Variants in KCNT2 observed in about 807,000 individuals in gnomAD.
KCNT2 encodes the protein potassium sodium-activated channel subfamily T member 2, also known as potassium channel subfamily T member 2.
In KCNT2, 67 loss-of-function variants were observed where a neutral mutation model predicts 153.8. The observed-to-expected ratio is 0.44, with a 90% CI of 0.36 to 0.53. The LOEUF is 0.53. Among genes scored for constraint, KCNT2 ranks in the 20% least tolerant of loss-of-function variants. KCNT2 has a pLI of 0.00. For synonymous variants in KCNT2, 500 were observed against 458.8 expected (o/e 1.09, Z -1.15); for missense variants, 975 against 1,354.8 (o/e 0.72, Z 4.40).
intron 1 of KCNT2, among the ~76,000 whole-genome samples, chr1:196,573,380 C>A (rs1660995453): frequency 6.6e-6 from 1 of 151,994 alleles, no homozygotes; most frequent in Non-Finnish European, 1.5e-5. Context: ...TTTGCAGACA[C>A]TGTTCTTTTG....
At chr1:196,467,861 T>A in intron 6 of KCNT2, 75 bp from the exon 7 acceptor site, 2 of 749,926 alleles carry the variant, frequency 2.7e-6, no homozygotes, top group Non-Finnish European at 2.1e-6. Context: ...TAAAAAGAAA[T>A]GGAAAAAAAG....
At chr1:196,543,380 C>G (rs1049707669) in intron 1 of KCNT2, among the ~76,000 whole-genome samples, 1 of 152,046 alleles carries the variant, frequency 6.6e-6, no homozygotes, top group East Asian at 1.9e-4. Context: ...TATTATTAAT[C>G]TGAAGTCTCT....
intron 13 of KCNT2, among the ~76,000 whole-genome samples, chr1:196,395,351 C>T (rs1422640336): frequency 1.3e-5 from 2 of 151,476 alleles, no homozygotes; most frequent in African/African-American, 4.8e-5. Flanking sequence ...TTTGAAATCT[C>T]TCTTATAAAC....
chr1:196,316,122 G>T, intron 20 of KCNT2, 96 bp from the exon 21 acceptor site: 1 of 1,135,116 alleles, frequency 8.8e-7, no homozygotes, highest in Non-Finnish European at 1.2e-6. Context: ...GCTTATATAA[G>T]TTGCCTTTAG....
intron 1 of KCNT2, among the ~76,000 whole-genome samples, chr1:196,515,887 G>A (rs979489260): frequency 2.0e-5 from 3 of 152,106 alleles, no homozygotes; most frequent in African/African-American, 7.2e-5. Flanking sequence ...TGACCCCAGG[G>A]ACCCATGCTT....
chr1:196,289,205 T>C (rs192865997), intron 22 of KCNT2, among the ~76,000 whole-genome samples: 5 of 152,244 alleles, frequency 3.3e-5, no homozygotes, highest in African/African-American at 1.2e-4. Flanking sequence ...ACTAGGCTGG[T>C]GTTATCATTG....
chr1:196,422,723 A>G (rs973217688), intron 12 of KCNT2, among the ~76,000 whole-genome samples: 2 of 151,876 alleles, frequency 1.3e-5, no homozygotes, highest in African/African-American at 4.8e-5. Flanking sequence ...GCTTTGTCTT[A>G]AGGTTGAAAA....
chr1:196,306,789 GC>G (rs1661679437), intron 21 of KCNT2, among the ~76,000 whole-genome samples: 2 of 151,320 alleles, frequency 1.3e-5, no homozygotes, highest in South Asian at 4.2e-4. Flanking sequence ...TTGGCCATTA[GC>G]ACAAATGGAC....
intron 10 of KCNT2, 54 bp from the exon 11 acceptor site, chr1:196,426,042 C>T: frequency 7.4e-7 from 1 of 1,356,314 alleles, no homozygotes. Context: ...TTATGTTACA[C>T]TACATAGAAA....
intron 26 of KCNT2, among the ~76,000 whole-genome samples, chr1:196,247,034 A>G (rs894801846): frequency 2.0e-5 from 3 of 152,286 alleles, no homozygotes; most frequent in Admixed American, 2.0e-4. Context: ...TCTCTTGCCT[A>G]CAAGAAACAC....
intron 13 of KCNT2, among the ~76,000 whole-genome samples, chr1:196,397,274 T>C (rs997076818): frequency 1.2e-4 from 18 of 151,504 alleles, no homozygotes; most frequent in African/African-American, 4.1e-4. Context: ...TTTTCAAAAA[T>C]ATTTCTTTTC....
intron 1 of KCNT2, among the ~76,000 whole-genome samples, chr1:196,537,896 ACC>A (rs1655805518): frequency 6.6e-6 from 1 of 152,050 alleles, no homozygotes; most frequent in Non-Finnish European, 1.5e-5. Flanking sequence ...TACGGTGTGA[ACC>A]CAGGTCTGCA....
At chr1:196,338,347 T>C (rs1665238640) in intron 16 of KCNT2, among the ~76,000 whole-genome samples, 1 of 151,980 alleles carries the variant, frequency 6.6e-6, no homozygotes, top group African/African-American at 2.4e-5. Flanking sequence ...AATGTGGAGC[T>C]AGAAAAGTCA....
Position 196,550,105 on chromosome 1 carries a change from A to T in KCNT2, c.96-57764T>A, listed in dbSNP as rs182792381. ...AGCCCATCACTGGATAGTTAAAAAA[A>T]TTTTTTGATACCTTACATTTTTTGA... On this transcript the variant is annotated intron_variant, in intron 1 of 27. Coordinates refer to ENST00000294725, the MANE Select transcript of KCNT2 (RefSeq NM_198503.5). Among the ~76,000 whole-genome samples the T allele has an allele frequency of 4.9e-3, 750 of 152,026 alleles. 3 individuals are homozygous for T. The highest frequency in any genetic ancestry group is 0.016 in the African/African-American group (675 of 41,514).
intron 9 of KCNT2, among the ~76,000 whole-genome samples, 186 bp downstream of exon 9, chr1:196,429,391 G>A (rs551943401): frequency 2.0e-5 from 3 of 152,046 alleles, no homozygotes; most frequent in South Asian, 2.1e-4. Context: ...AAAGCAACTC[G>A]GTGTTTCTAA....
At chr1:196,301,481 C>T (rs1398038632) in intron 22 of KCNT2, among the ~76,000 whole-genome samples, 1 of 152,158 alleles carries the variant, frequency 6.6e-6, no homozygotes, top group Non-Finnish European at 1.5e-5. Flanking sequence ...CACTAAGTAG[C>T]TACTTTCAGA....
At chr1:196,587,898 G>A (rs1314577600) in intron 1 of KCNT2, among the ~76,000 whole-genome samples, 1 of 152,018 alleles carries the variant, frequency 6.6e-6, no homozygotes, top group Non-Finnish European at 1.5e-5. Flanking sequence ...ATGCTCCACT[G>A]CTCCCAAATA....
chr1:196,253,016 T>A (rs1237016402), intron 26 of KCNT2, among the ~76,000 whole-genome samples: 1 of 151,198 alleles, frequency 6.6e-6, no homozygotes, highest in East Asian at 1.9e-4. Flanking sequence ...TGGCATTACT[T>A]ATTAATATGT....
intron 2 of KCNT2, among the ~76,000 whole-genome samples, chr1:196,491,071 C>T (rs138270945): frequency 6.6e-6 from 1 of 152,090 alleles, no homozygotes; most frequent in Non-Finnish European, 1.5e-5. Context: ...AGAAATTATG[C>T]TGGTTTTATA....
Sources: gnomAD v4.1 joint callset for allele counts (sites outside exome capture counted in the v4.1 genomes callset) on GRCh38, gnomAD v4.1.1 for gene constraint, MANE v1.5 for transcripts, NCBI Gene and HGNC (gene_info 2026-07-23, HGNC 2026-07-21) for gene names.